Variants in SUGCT observed in about 807,000 individuals in gnomAD.
SUGCT encodes the protein succinyl-CoA:glutarate CoA-transferase.
Under a neutral mutation model 55.0 loss-of-function variants are expected in SUGCT, and 41 were observed. That is an observed-to-expected ratio of 0.74 (90% confidence interval 0.58 to 0.97). The LOEUF (loss-of-function observed/expected upper bound fraction) is 0.97, where lower values mean the gene tolerates loss of function less well. Among genes scored for constraint, SUGCT ranks in the 50% least tolerant of loss-of-function variants. The pLI, the probability that SUGCT is intolerant of heterozygous loss-of-function variation, is 0.00. For synonymous variants in SUGCT, 187 were observed against 200.4 expected (o/e 0.93, Z 0.56); for missense variants, 568 against 547.8 (o/e 1.04, Z -0.37).
At chr7:40,247,093 G>A (rs775485127) in intron 7 of SUGCT, among the ~76,000 whole-genome samples, 4 of 152,054 alleles carry the variant, frequency 2.6e-5, no homozygotes, top group African/African-American at 4.8e-5. Flanking sequence ...TTTGACATGC[G>A]TATTGATTTC....
chr7:41,000,426 T>C, the SUGCT span, among the ~76,000 whole-genome samples: 1 of 151,856 alleles, frequency 6.6e-6, no homozygotes, highest in South Asian at 2.1e-4. Context: ...AGTCCAAGGC[T>C]ATGTAATTAC....
At chr7:40,614,706 G>A (rs1241136503) in intron 12 of SUGCT, among the ~76,000 whole-genome samples, 2 of 152,120 alleles carry the variant, frequency 1.3e-5, no homozygotes, top group Non-Finnish European at 2.9e-5. Flanking sequence ...AATGATAAAG[G>A]CCATACTACT....
chr7:40,797,676 T>C (rs1415804299), intron 13 of SUGCT, among the ~76,000 whole-genome samples: 1 of 152,220 alleles, frequency 6.6e-6, no homozygotes, highest in Non-Finnish European at 1.5e-5. Context: ...GCCCACTTTA[T>C]TGTTATCAAA....
chr7:40,169,447 G>T (rs1784568613), intron 1 of SUGCT, among the ~76,000 whole-genome samples: 1 of 152,168 alleles, frequency 6.6e-6, no homozygotes, highest in Admixed American at 6.5e-5. Context: ...CTCTGTGAGG[G>T]TGATGGCATA....
At chr7:40,189,781 A>AT (rs1785782209) in intron 5 of SUGCT, among the ~76,000 whole-genome samples, 187 bp downstream of exon 5, 1 of 152,036 alleles carries the variant, frequency 6.6e-6, no homozygotes, top group Admixed American at 6.6e-5. Flanking sequence ...TTTTTTGTAT[A>AT]TTGTGTATCA....
chr7:40,757,777 C>G (rs1788329890), intron 13 of SUGCT, among the ~76,000 whole-genome samples: 1 of 152,070 alleles, frequency 6.6e-6, no homozygotes, highest in South Asian at 2.1e-4. Flanking sequence ...GAGTAAAAGG[C>G]TAAATGATGG....
At chr7:40,749,528 C>T in intron 13 of SUGCT, 31 bp downstream of exon 13, 1 of 1,565,376 alleles carries the variant, frequency 6.4e-7, no homozygotes. Context: ...TTCTCTAGCA[C>T]CTTTCTTTAT....
At chr7:40,429,139 G>A (rs1383945755) in intron 9 of SUGCT, among the ~76,000 whole-genome samples, 1 of 150,762 alleles carries the variant, frequency 6.6e-6, no homozygotes, top group Non-Finnish European at 1.5e-5. Context: ...TTTTGTTATT[G>A]TGGCAAGAGC....
intron 13 of SUGCT, among the ~76,000 whole-genome samples, chr7:40,813,005 T>C (rs1427844393): frequency 6.6e-6 from 1 of 152,130 alleles, no homozygotes; most frequent in African/African-American, 2.4e-5. Flanking sequence ...AGTTCTTTCA[T>C]TTGCCCTTGG....
At chr7:40,941,448 G>C in the SUGCT span, among the ~76,000 whole-genome samples, 1 of 151,904 alleles carries the variant, frequency 6.6e-6, no homozygotes, top group African/African-American at 2.4e-5. Context: ...ATAGGATTTT[G>C]ACTTAAAAAA....
Position 40,802,412 on chromosome 7 carries a change from C to T in SUGCT, c.1153+52915C>T, listed in dbSNP as rs955288750. On this transcript the variant is annotated intron_variant, in intron 13 of 13. Transcript: ENST00000335693. ...ATCATCACCAAAATGGCATTTAAAA[C>T]CCCCCAAAGCCTCTTTCTATTTCTG... Among the ~76,000 whole-genome samples, 11 of 152,200 alleles carry T rather than the reference C, an allele frequency of 7.2e-5. No homozygotes were observed. The East Asian group carries it at 1.5e-3, about 21-fold the overall frequency.
intron 7 of SUGCT, among the ~76,000 whole-genome samples, chr7:40,248,868 T>C (rs1399342392): frequency 2.7e-5 from 4 of 150,794 alleles, no homozygotes; most frequent in Non-Finnish European, 4.4e-5. Flanking sequence ...TGTGGCTCTT[T>C]CCAGCGCGCG....
intron 9 of SUGCT, among the ~76,000 whole-genome samples, chr7:40,371,271 A>G (rs111516921): frequency 2.6e-5 from 4 of 152,322 alleles, no homozygotes; most frequent in African/African-American, 7.2e-5. Context: ...AATAGTGCAC[A>G]GGATGAGCCA....
intron 3 of SUGCT, among the ~76,000 whole-genome samples, chr7:40,184,562 G>A (rs1292348940): frequency 6.6e-6 from 1 of 151,916 alleles, no homozygotes; most frequent in Non-Finnish European, 1.5e-5. Context: ...TGAACTCCTG[G>A]GCTCAAACGA....
intron 9 of SUGCT, among the ~76,000 whole-genome samples, chr7:40,332,711 T>A (rs368752595): frequency 9.8e-4 from 149 of 152,248 alleles, no homozygotes; most frequent in African/African-American, 3.4e-3. Flanking sequence ...AATGGTGCAT[T>A]GAGGTGTTGC....
intron 6 of SUGCT, among the ~76,000 whole-genome samples, chr7:40,225,064 A>C (rs958140429): frequency 6.6e-6 from 1 of 152,254 alleles, no homozygotes; most frequent in Non-Finnish European, 1.5e-5. Context: ...CTAGTTGAGG[A>C]AAATGAAACG....
At chr7:40,360,077 G>A (rs1394759539) in intron 9 of SUGCT, among the ~76,000 whole-genome samples, 6 of 152,080 alleles carry the variant, frequency 3.9e-5, no homozygotes, top group Admixed American at 6.5e-5. Flanking sequence ...GCAGTGGCAC[G>A]ATCTCGGCTC....
At chr7:40,396,658 A>G (rs1056533838) in intron 9 of SUGCT, among the ~76,000 whole-genome samples, 3 of 152,254 alleles carry the variant, frequency 2.0e-5, no homozygotes, top group African/African-American at 7.2e-5. Context: ...CCACATGCAT[A>G]CAAATGTGTT....
chr7:41,037,147 C>T, the SUGCT span, among the ~76,000 whole-genome samples: 1 of 152,188 alleles, frequency 6.6e-6, no homozygotes, highest in Non-Finnish European at 1.5e-5. Context: ...AAATTTGTAG[C>T]ACAAAGAAAG....
Sources: gnomAD v4.1 joint callset for allele counts (sites outside exome capture counted in the v4.1 genomes callset) on GRCh38, gnomAD v4.1.1 for gene constraint, MANE v1.5 for transcripts, NCBI Gene and HGNC (gene_info 2026-07-23, HGNC 2026-07-21) for gene names.